TDRD9: variants seen among roughly 807,000 people sequenced by gnomAD.
TDRD9 encodes the protein ATP-dependent RNA helicase TDRD9.
TDRD9 carries 124 observed loss-of-function variants against 172.6 expected under a neutral mutation model. That is an observed-to-expected ratio of 0.72 (90% CI 0.62 to 0.83). The LOEUF (loss-of-function observed/expected upper bound fraction) is 0.83. Among genes scored for constraint, TDRD9 ranks in the 40% least tolerant of loss-of-function variants. TDRD9 has a pLI of 0.00. For missense variants in TDRD9, 1,479 were observed against 1,714.1 expected, an observed-to-expected ratio of 0.86 and a Z score of 2.42; for synonymous variants, 619 against 617.1, an observed-to-expected ratio of 1.00 and a Z score of -0.05.
chr14:104,006,413 C>A lies in TDRD9; in HGVS notation c.1738C>A (p.Gln580Lys), dbSNP rs1433745694. ...KEVGALAVSG[Q>K]REDENPHDGE... ...GGTTGGAGCACTTGCAGTGAGTGGG[C>A]AGAGAGAAGATGAAAACCCCCATGA... is the stretch of plus-strand genomic sequence containing the variant. The change falls in exon 16 of 36, where the codon CAG becomes AAG. Residue 580 changes from glutamine (Q) to lysine (K), a missense_variant. Gln to Lys is a moderately conservative substitution (Grantham distance 53). Transcript: ENST00000409874. 1 of 1,613,774 alleles carries A rather than the reference C, an allele frequency of 6.2e-7. No individual in the cohort carries two copies. The highest frequency in any genetic ancestry group is 1.3e-5 in the African/African-American group (1 of 75,024).
chr14:103,974,111 A>AG (rs1325297985), intron 6 of TDRD9, among the ~76,000 whole-genome samples: 1 of 152,218 alleles, frequency 6.6e-6, no homozygotes, highest in East Asian at 1.9e-4. Context: ...CTGAGGTGAG[A>AG]GGATCACTGA....
chr14:104,008,527 A>G, intron 20 of TDRD9, 61 bp downstream of exon 20: 2 of 1,088,698 alleles, frequency 1.8e-6, no homozygotes, highest in Admixed American at 3.7e-5. Flanking sequence ...ATATTTATTA[A>G]ATGACAACAA....
At chr14:104,051,901 T>C in intron 35 of TDRD9, 80 bp from the exon 36 acceptor site, 2 of 822,458 alleles carry the variant, frequency 2.4e-6, no homozygotes, top group Admixed American at 2.2e-5. Context: ...TTGTGCATCC[T>C]GGATGTTAAT....
At position 104,008,537 on chromosome 14, in the gene TDRD9, A is replaced by G. The variant is rs1438527562; in HGVS notation, c.2106+71A>G. 1.2e-5 allele frequency: 13 copies of G among 1,042,446 alleles called. 1 individual carries two copies. Among genetic ancestry groups the G allele is most frequent in the South Asian group, 1.2e-4 (9 of 74,584 alleles). 64.6% of individuals were successfully genotyped at this position (1,042,446 alleles called of 1,614,324 possible). A position where few individuals can be genotyped will look rare whatever the true frequency, so the allele number is the denominator to read the frequency against. ...ATGAAATATTTATTAAATGACAACA[A>G]TATTTATTAAGTACGTGGGTAGTAA... On this transcript the variant is annotated intron_variant, in intron 20 of 35. Coordinates refer to ENST00000409874, the MANE Select transcript of TDRD9 (RefSeq NM_153046.3).
At chr14:103,928,813 G>A (rs2030154561) in intron 1 of TDRD9, 89 bp downstream of exon 1, 2 of 384,222 alleles carry the variant, frequency 5.2e-6, no homozygotes, top group East Asian at 1.1e-4. Flanking sequence ...CTTCTCGCGA[G>A]CCCGTGCCCT....
intron 32 of TDRD9, among the ~76,000 whole-genome samples, chr14:104,039,345 T>C (rs1047183373): frequency 6.6e-6 from 1 of 152,172 alleles, no homozygotes; most frequent in African/African-American, 2.4e-5. Context: ...TCACCTGGCC[T>C]GTGTCACCTT....
intron 34 of TDRD9, among the ~76,000 whole-genome samples, chr14:104,046,727 G>A (rs576284915): frequency 2.6e-4 from 40 of 151,674 alleles, no homozygotes; most frequent in African/African-American, 9.2e-4. Context: ...CTCACTGCAA[G>A]CTCCGCCCCC....
At chr14:103,962,965 A>AGTGTGTGTGTGTGT (rs55873775) in intron 2 of TDRD9, 114 bp from the exon 3 acceptor site, 23 of 404,750 alleles carry the variant, frequency 5.7e-5, no homozygotes, top group African/African-American at 3.8e-4. Context: ...TTTGTATTTG[A>AGTGTGTGTGTGTGT]GTGTGTGTGT....
chr14:104,037,994 C>T (rs1242564988), intron 32 of TDRD9, among the ~76,000 whole-genome samples: 1 of 152,216 alleles, frequency 6.6e-6, no homozygotes, highest in East Asian at 1.9e-4. Context: ...CAGAGCCTGG[C>T]ACCTCCAGGA....
chr14:104,014,148 G>A (rs1175761095), intron 20 of TDRD9, among the ~76,000 whole-genome samples: 10 of 149,932 alleles, frequency 6.7e-5, no homozygotes, highest in Admixed American at 2.7e-4. Flanking sequence ...AGAATGGCGT[G>A]AACCTCGGAG....
intron 20 of TDRD9, among the ~76,000 whole-genome samples, chr14:104,011,168 A>G (rs2034601577): frequency 6.6e-6 from 1 of 152,216 alleles, no homozygotes; most frequent in African/African-American, 2.4e-5. Flanking sequence ...CATGACTTAT[A>G]CATGAATACA....
chr14:104,014,860 G>C lies in TDRD9; in HGVS notation c.2223+19G>C, dbSNP rs2034737406. The C allele has an allele frequency of 2.1e-6, 3 of 1,443,248 alleles. No homozygotes were observed. Among genetic ancestry groups the C allele is most frequent in the Non-Finnish European group, 2.8e-6 (3 of 1,054,018 alleles). 89.4% of individuals were successfully genotyped at this position (1,443,248 alleles called of 1,614,324 possible). ...CCTACAGGTGTGCTGAAGTTTCCTG[G>C]ATATTTTTTTTCCTGATTCTTTCTG... On this transcript the variant is annotated intron_variant, in intron 21 of 35. Coordinates refer to ENST00000409874, the MANE Select transcript of TDRD9 (RefSeq NM_153046.3).
chr14:104,037,333 A>G (rs2035481093), intron 32 of TDRD9, among the ~76,000 whole-genome samples: 1 of 152,154 alleles, frequency 6.6e-6, no homozygotes, highest in African/African-American at 2.4e-5. Context: ...GCGCACCCGC[A>G]TGGGACTCGT....
chr14:103,968,167 T>C (rs1009671444), intron 5 of TDRD9, among the ~76,000 whole-genome samples: 23 of 152,274 alleles, frequency 1.5e-4, no homozygotes, highest in Admixed American at 3.9e-4. Flanking sequence ...AAGCTCTGCC[T>C]TAATAGCTGA....
At position 104,026,587 on chromosome 14, in the gene TDRD9, G is replaced by A. The variant is rs75462907; in HGVS notation, c.3022-92G>A. 1.3e-3 allele frequency: 1,759 copies of A among 1,395,478 alleles called. 16 individuals are homozygous for A. In the African/African-American group the frequency reaches 0.023, roughly 18 times the overall value. 86.4% of individuals were successfully genotyped at this position (1,395,478 alleles called of 1,614,324 possible). On this transcript the variant is annotated intron_variant, in intron 27 of 35. Transcript: ENST00000409874. Reference sequence around the variant, plus strand: ...GACTTTTATGAGAATATTATTGAAGGTACATGAACAAGGTCTGTTTTCAGT... The same window carrying A: ...GACTTTTATGAGAATATTATTGAAGATACATGAACAAGGTCTGTTTTCAGT...
chr14:104,003,523 G>C (rs1333467535), intron 13 of TDRD9, among the ~76,000 whole-genome samples: 1 of 152,190 alleles, frequency 6.6e-6, no homozygotes, highest in Non-Finnish European at 1.5e-5. Context: ...ATCCCCATAG[G>C]TGGGGAAAGA....
At chr14:103,959,561 A>G (rs2032410837) in intron 2 of TDRD9, among the ~76,000 whole-genome samples, 1 of 151,884 alleles carries the variant, frequency 6.6e-6, no homozygotes, top group African/African-American at 2.4e-5. Flanking sequence ...GATTACACTG[A>G]TGCCTCTAAT....
chr14:103,998,009 G>A (rs2034114141), intron 12 of TDRD9, among the ~76,000 whole-genome samples: 1 of 152,138 alleles, frequency 6.6e-6, no homozygotes. Context: ...TGGCCCAAGG[G>A]AGTGAGTGTT....
At chr14:103,999,635 T>C (rs2034183360) in intron 13 of TDRD9, among the ~76,000 whole-genome samples, 2 of 130,412 alleles carry the variant, frequency 1.5e-5, no homozygotes, top group East Asian at 2.2e-4. Flanking sequence ...TTTTTGTTTG[T>C]TTTTTAGAAA....
Sources: gnomAD v4.1 joint callset for allele counts (sites outside exome capture counted in the v4.1 genomes callset) on GRCh38, gnomAD v4.1.1 for gene constraint, MANE v1.5 for transcripts, NCBI Gene and HGNC (gene_info 2026-07-23, HGNC 2026-07-21) for gene names.